Variants in PDGFC observed in about 807,000 individuals in gnomAD.
PDGFC encodes the protein platelet derived growth factor C.
A neutral mutation model predicts 35.5 loss-of-function variants in PDGFC; 12 were observed. The ratio of observed to expected loss-of-function variants is 0.34; its 90% CI spans 0.22 to 0.55. PDGFC has a LOEUF of 0.55. Among genes scored for constraint, PDGFC ranks in the 20% least tolerant of loss-of-function variants. The pLI, the probability that PDGFC is intolerant of heterozygous loss-of-function variation, is 0.91. For missense variants in PDGFC, 322 were observed against 412.4 expected, an observed-to-expected ratio of 0.78 and a Z score of 1.90; for synonymous variants, 159 against 148.8, an observed-to-expected ratio of 1.07 and a Z score of -0.50.
intron 1 of PDGFC, among the ~76,000 whole-genome samples, chr4:156,890,590 C>T (rs1385632372): frequency 1.3e-5 from 2 of 152,172 alleles, no homozygotes; most frequent in Non-Finnish European, 2.9e-5. Flanking sequence ...TCTTCCTACC[C>T]AGGCTACCGG....
At chr4:156,814,984 A>T (rs1168268368) in intron 2 of PDGFC, among the ~76,000 whole-genome samples, 1 of 152,172 alleles carries the variant, frequency 6.6e-6, no homozygotes, top group Non-Finnish European at 1.5e-5. Flanking sequence ...CTGGATTTGC[A>T]GCGAGACAGC....
At chr4:156,884,159 A>G (rs1031110174) in intron 1 of PDGFC, among the ~76,000 whole-genome samples, 10 of 152,350 alleles carry the variant, frequency 6.6e-5, no homozygotes, top group Non-Finnish European at 1.3e-4. Context: ...CAGACACAGC[A>G]AAGAGAGTTG....
intron 2 of PDGFC, among the ~76,000 whole-genome samples, chr4:156,823,940 G>C (rs182502986): frequency 1.3e-5 from 2 of 152,004 alleles, no homozygotes; most frequent in Non-Finnish European, 1.5e-5. Context: ...CAACATGAAC[G>C]GAACAGGACA....
intron 3 of PDGFC, among the ~76,000 whole-genome samples, chr4:156,789,699 G>A (rs758253148): frequency 2.0e-5 from 3 of 152,134 alleles, no homozygotes; most frequent in Non-Finnish European, 4.4e-5. Context: ...AATACTGGCC[G>A]GGTGCAGTGG....
intron 3 of PDGFC, among the ~76,000 whole-genome samples, chr4:156,789,104 T>C (rs1164007947): frequency 6.6e-6 from 1 of 152,208 alleles, no homozygotes; most frequent in Non-Finnish European, 1.5e-5. Flanking sequence ...GAAATACTTT[T>C]GTTTTATTGA....
chr4:156,859,343 T>A (rs1487874841), intron 1 of PDGFC, among the ~76,000 whole-genome samples: 3 of 152,104 alleles, frequency 2.0e-5, no homozygotes, highest in Non-Finnish European at 4.4e-5. Flanking sequence ...GAATGCTAAT[T>A]GAGGGCAAGA....
intron 2 of PDGFC, among the ~76,000 whole-genome samples, chr4:156,836,462 T>C (rs1729065758): frequency 6.6e-6 from 1 of 152,222 alleles, no homozygotes; most frequent in Admixed American, 6.5e-5. Flanking sequence ...TAAGAAATAG[T>C]CTATATACCA....
chr4:156,896,803 G>A (rs1007626835), intron 1 of PDGFC, among the ~76,000 whole-genome samples: 1 of 152,004 alleles, frequency 6.6e-6, no homozygotes, highest in African/African-American at 2.4e-5. Context: ...AAATATAGGC[G>A]GCCACTAAAA....
intron 2 of PDGFC, among the ~76,000 whole-genome samples, chr4:156,839,969 G>A (rs1025753744): frequency 5.3e-5 from 8 of 152,100 alleles, no homozygotes; most frequent in Non-Finnish European, 1.0e-4. Flanking sequence ...AGTATCTGGT[G>A]GAAAACATTT....
chr4:156,887,554 G>C (rs1730403727), intron 1 of PDGFC, among the ~76,000 whole-genome samples: 1 of 152,052 alleles, frequency 6.6e-6, no homozygotes, highest in African/African-American at 2.4e-5. Flanking sequence ...CATTAGCAAA[G>C]AAAATGTAGG....
chr4:156,914,911 G>C (rs1292931254), intron 1 of PDGFC, among the ~76,000 whole-genome samples: 1 of 152,120 alleles, frequency 6.6e-6, no homozygotes, highest in Non-Finnish European at 1.5e-5. Context: ...GGATAAAATT[G>C]ACTAACAAAC....
chr4:156,929,885 C>T (rs1170848915), intron 1 of PDGFC, among the ~76,000 whole-genome samples: 1 of 152,098 alleles, frequency 6.6e-6, no homozygotes, highest in Non-Finnish European at 1.5e-5. Context: ...CTTGTAGTGT[C>T]CTGAGAAGTG....
At chr4:156,885,555 C>T (rs1250930324) in intron 1 of PDGFC, among the ~76,000 whole-genome samples, 1 of 150,882 alleles carries the variant, frequency 6.6e-6, no homozygotes, top group Admixed American at 6.6e-5. Context: ...TTAGAGTATG[C>T]TTTTTTTTTG....
chr4:156,873,564 A>C (rs1421723045), intron 1 of PDGFC, among the ~76,000 whole-genome samples: 2 of 152,214 alleles, frequency 1.3e-5, no homozygotes, highest in African/African-American at 4.8e-5. Context: ...TTCTTTTTGA[A>C]ATCTATTCAT....
chr4:156,932,653 A>G (rs1218453715), intron 1 of PDGFC, among the ~76,000 whole-genome samples: 2 of 149,336 alleles, frequency 1.3e-5, no homozygotes, highest in African/African-American at 4.9e-5. Flanking sequence ...AGGACAAAAA[A>G]CCAAACACAG....
chr4:156,904,118 T>C (rs571458374), intron 1 of PDGFC, among the ~76,000 whole-genome samples: 1 of 152,046 alleles, frequency 6.6e-6, no homozygotes, highest in South Asian at 2.1e-4. Flanking sequence ...TACAGAAAAA[T>C]TGGATTAAGT....
chr4:156,951,308 T>A (rs1732074709), intron 1 of PDGFC, among the ~76,000 whole-genome samples: 1 of 151,882 alleles, frequency 6.6e-6, no homozygotes. Context: ...CTCTCTATAA[T>A]CAATGCAGGC....
At position 156,763,616 on chromosome 4, in the gene PDGFC, A is replaced by G. The variant is rs190035583; in HGVS notation, c.922-410T>C. 3.2e-3 allele frequency among the ~76,000 whole-genome samples: 491 copies of G among 152,320 alleles called. 1 individual carries two copies. Among genetic ancestry groups the G allele is most frequent in the African/African-American group, 0.011 (473 of 41,580 alleles). On this transcript the variant is annotated intron_variant, in intron 5 of 5. Transcript: ENST00000502773. ...TTATTCACACATTTAACAAATATTT[A>G]TACTTGATGCAATACACTCAAGTGC...
intron 2 of PDGFC, among the ~76,000 whole-genome samples, chr4:156,848,792 T>A (rs1475551136): frequency 6.6e-6 from 1 of 151,930 alleles, no homozygotes. Flanking sequence ...ATATTTGCAG[T>A]GACAAGAAGG....
Sources: allele counts gnomAD v4.1 joint callset (sites outside exome capture counted in the v4.1 genomes callset), GRCh38; gene constraint gnomAD v4.1.1; transcripts MANE v1.5; gene names NCBI Gene and HGNC (gene_info 2026-07-23, HGNC 2026-07-21).